Variants in MGMT observed in about 807,000 individuals in gnomAD.
MGMT encodes the protein O-6-methylguanine-DNA methyltransferase, also known as methylated-DNA--protein-cysteine methyltransferase.
MGMT carries 14 observed loss-of-function variants against 15.9 expected under a neutral mutation model. That is an observed-to-expected ratio of 0.88 (90% confidence interval 0.58 to 1.37). MGMT has a LOEUF of 1.37. Ranked by LOEUF, MGMT falls within the 40% of genes most tolerant of loss-of-function variation. The pLI, the probability that MGMT is intolerant of heterozygous loss-of-function variation, is 0.00. For synonymous variants in MGMT, 130 were observed against 118.2 expected, an observed-to-expected ratio of 1.10 and a Z score of -0.65; for missense variants, 282 against 268.1, an observed-to-expected ratio of 1.05 and a Z score of -0.36.
chr10:129,738,098 G>T (rs564683132), intron 3 of MGMT, among the ~76,000 whole-genome samples: 6 of 152,322 alleles, frequency 3.9e-5, no homozygotes, highest in Non-Finnish European at 7.4e-5. Context: ...CGAGCTTCCC[G>T]GCTGCGTTGT....
chr10:129,636,087 G>A (rs909683547), intron 2 of MGMT, among the ~76,000 whole-genome samples: 13 of 152,224 alleles, frequency 8.5e-5, no homozygotes, highest in African/African-American at 3.1e-4. Flanking sequence ...TCTCAAGTTA[G>A]TTAAGATTTA....
At chr10:129,616,422 A>G (rs1316463927) in intron 2 of MGMT, among the ~76,000 whole-genome samples, 1 of 152,164 alleles carries the variant, frequency 6.6e-6, no homozygotes, top group African/African-American at 2.4e-5. Flanking sequence ...AGGGCATAGA[A>G]GCTGTGCCCT....
Position 129,766,997 on chromosome 10 carries a change from AG to A in MGMT, c.*1del. ...GCTCCCCGCCTGCTGGCCGAAACTG[AG>A]TATGTGCAGTAGGATGGATGTTTGA... On this transcript the variant is annotated 3_prime_UTR_variant, in exon 5 of 5. Coordinates refer to ENST00000651593, the MANE Select transcript of MGMT (RefSeq NM_002412.5). The A allele has an allele frequency of 6.3e-7, 1 of 1,593,902 alleles. No individual in the cohort carries two copies.
chr10:129,497,297 G>C (rs1845531824), intron 1 of MGMT, among the ~76,000 whole-genome samples: 1 of 152,178 alleles, frequency 6.6e-6, no homozygotes, highest in Non-Finnish European at 1.5e-5. Flanking sequence ...GCGGTGCACA[G>C]CTCTGTGCCT....
chr10:129,677,121 G>T (rs1188436934), intron 2 of MGMT, among the ~76,000 whole-genome samples: 1 of 152,120 alleles, frequency 6.6e-6, no homozygotes. Flanking sequence ...GGAAATGACA[G>T]GCCCTTGTGC....
chr10:129,739,780 AT>A (rs528373544), intron 3 of MGMT, among the ~76,000 whole-genome samples: 1 of 152,012 alleles, frequency 6.6e-6, no homozygotes, highest in African/African-American at 2.4e-5. Context: ...TTTTTTTATG[AT>A]TTTTTTTAAC....
intron 2 of MGMT, among the ~76,000 whole-genome samples, chr10:129,672,283 A>G (rs1396208800): frequency 6.6e-6 from 1 of 152,160 alleles, no homozygotes; most frequent in Admixed American, 6.5e-5. Flanking sequence ...CTCTTCTTTC[A>G]AGTAATGTCT....
At chr10:129,742,190 G>A (rs1005449624) in intron 3 of MGMT, among the ~76,000 whole-genome samples, 2 of 152,208 alleles carry the variant, frequency 1.3e-5, no homozygotes, top group African/African-American at 4.8e-5. Context: ...TGTCTGGGGA[G>A]GTCATGTGCC....
intron 2 of MGMT, among the ~76,000 whole-genome samples, chr10:129,555,715 T>TA (rs71478941): frequency 0.11 from 15,915 of 148,456 alleles, 939 homozygotes; most frequent in African/African-American, 0.16. Flanking sequence ...ACCCTGTCTC[T>TA]AAAAAAAAAA....
At chr10:129,486,491 T>A (rs1018639567) in intron 1 of MGMT, among the ~76,000 whole-genome samples, 2 of 152,066 alleles carry the variant, frequency 1.3e-5, no homozygotes, top group Admixed American at 6.6e-5. Flanking sequence ...GCCCAGCCGG[T>A]TATTGTATTT....
At chr10:129,570,460 G>A (rs769719090) in intron 2 of MGMT, among the ~76,000 whole-genome samples, 23 of 152,364 alleles carry the variant, frequency 1.5e-4, no homozygotes, top group Admixed American at 6.5e-4. Flanking sequence ...GGCACATCCC[G>A]GGTCATCCGG....
intron 2 of MGMT, among the ~76,000 whole-genome samples, chr10:129,589,819 C>T (rs1294108246): frequency 6.6e-6 from 1 of 152,220 alleles, no homozygotes; most frequent in Non-Finnish European, 1.5e-5. Flanking sequence ...GTGAAGCCTC[C>T]AGCTGGGAGC....
At chr10:129,504,587 C>T (rs1344377593) in intron 1 of MGMT, among the ~76,000 whole-genome samples, 1 of 152,174 alleles carries the variant, frequency 6.6e-6, no homozygotes, top group Non-Finnish European at 1.5e-5. Flanking sequence ...CGATAGCTCC[C>T]ACAACCATTG....
At chr10:129,741,611 C>T (rs1228993206) in intron 3 of MGMT, among the ~76,000 whole-genome samples, 1 of 152,114 alleles carries the variant, frequency 6.6e-6, no homozygotes, top group Non-Finnish European at 1.5e-5. Flanking sequence ...GAGAGGGAGG[C>T]GGTTTTCTTC....
rs142479112 is a variant in MGMT, at chr10:129,653,572, G to A, written c.126-54323G>A. Among the ~76,000 whole-genome samples, 462 of 152,350 alleles carry A rather than the reference G, an allele frequency of 3.0e-3. 5 individuals are homozygous for A. Among genetic ancestry groups the A allele is most frequent in the Non-Finnish European group, 4.5e-3 (307 of 68,028 alleles). On this transcript the variant is annotated intron_variant, in intron 2 of 4. Coordinates refer to ENST00000651593, the MANE Select transcript of MGMT (RefSeq NM_002412.5). ...TGCAAACCCGACCCTGATCACCAAT[G>A]GAGTGGCCTCACGTGGCCTCCCTGA... is the stretch of plus-strand genomic sequence containing the variant.
intron 2 of MGMT, among the ~76,000 whole-genome samples, chr10:129,637,247 A>G (rs990459725): frequency 6.6e-6 from 1 of 152,108 alleles, no homozygotes; most frequent in African/African-American, 2.4e-5. Flanking sequence ...TGGAAAAAGG[A>G]TGTGTCTTAG....
At position 129,536,344 on chromosome 10, in the gene MGMT, T is replaced by A; in HGVS notation, c.92T>A (p.Ile31Lys). The change falls in exon 2 of 5, where the codon ATA becomes AAA. Residue 31 changes from isoleucine (I) to lysine (K), a missense_variant. Coordinates refer to ENST00000651593, the MANE Select transcript of MGMT (RefSeq NM_002412.5). ...GGTTGTGAGCAGGGTCTGCACGAAA[T>A]AAAGCTCCTGGGCAAGGGGACGTCT... ...LSGCEQGLHE[I>K]KLLGKGTSAA... 6.2e-7 allele frequency: 1 copy of A among 1,614,018 alleles called. No individual in the cohort carries two copies. Among genetic ancestry groups the A allele is most frequent in the Non-Finnish European group, 8.5e-7 (1 of 1,180,008 alleles).
At chr10:129,698,821 A>G (rs914940014) in intron 2 of MGMT, among the ~76,000 whole-genome samples, 3 of 152,230 alleles carry the variant, frequency 2.0e-5, no homozygotes, top group Admixed American at 1.3e-4. Context: ...CAGTGAAAGA[A>G]TAAGTTAGCA....
intron 2 of MGMT, among the ~76,000 whole-genome samples, chr10:129,644,470 A>G (rs1054484277): frequency 6.6e-5 from 10 of 152,292 alleles, no homozygotes; most frequent in South Asian, 2.1e-4. Flanking sequence ...CTGGAAGGAA[A>G]CTAGTTGGGG....
Sources: gnomAD v4.1 joint callset for allele counts (sites outside exome capture counted in the v4.1 genomes callset) on GRCh38, gnomAD v4.1.1 for gene constraint, MANE v1.5 for transcripts, NCBI Gene and HGNC (gene_info 2026-07-23, HGNC 2026-07-21) for gene names.